The following DAB1 variants were observed in gnomAD, a reference collection of about 807,000 sequenced individuals.
The protein encoded by DAB1 is disabled homolog 1.
DAB1 carries 15 observed loss-of-function variants against 64.6 expected under a neutral mutation model. The ratio of observed to expected loss-of-function variants is 0.23; its 90% confidence interval spans 0.16 to 0.36. DAB1 has a LOEUF of 0.36. Ranked by LOEUF, DAB1 falls within the 10% of genes least tolerant of loss-of-function variation. DAB1 has a pLI of 1.00. For missense variants in DAB1, 596 were observed against 706.7 expected, an observed-to-expected ratio of 0.84 and a Z score of 1.78; for synonymous variants, 235 against 251.9, an observed-to-expected ratio of 0.93 and a Z score of 0.64.
chr1:58,500,991 A>G (rs1645898001), intron 3 of DAB1, among the ~76,000 whole-genome samples: 1 of 152,202 alleles, frequency 6.6e-6, no homozygotes, highest in Non-Finnish European at 1.5e-5. Context: ...TAAAACTGTC[A>G]TACTATTAAA....
rs150266938 is a variant in DAB1 at position 58,003,098 on chromosome 1, T to G, written n.388-118936A>C. 4.3e-3 allele frequency among the ~76,000 whole-genome samples: 649 copies of G among 152,286 alleles called. 4 individuals are homozygous for G. The highest frequency in any genetic ancestry group is 0.015 in the African/African-American group (610 of 41,574). ...GTTCATGGAAAAATCACTTAAGTTC[T>G]TAAGCTTCAAGTGCCTGGTCTATGA... On this transcript the variant is annotated intron_variant and non_coding_transcript_variant, in intron 5 of 20. Coordinates refer to the DAB1 transcript ENST00000485760.
chr1:58,203,885 A>C (rs1051859255), intron 4 of DAB1, among the ~76,000 whole-genome samples: 10 of 152,216 alleles, frequency 6.6e-5, no homozygotes, highest in African/African-American at 2.4e-4. Context: ...CCTAACCCAA[A>C]GCCTGGCATA....
At chr1:58,066,544 C>T (rs1288540647) in intron 5 of DAB1, among the ~76,000 whole-genome samples, 3 of 152,170 alleles carry the variant, frequency 2.0e-5, no homozygotes, top group African/African-American at 7.2e-5. Context: ...TTCTCATAAT[C>T]TCACAACCAT....
intron 7 of DAB1, among the ~76,000 whole-genome samples, chr1:57,563,375 C>G (rs532352946): frequency 6.6e-6 from 1 of 152,126 alleles, no homozygotes; most frequent in South Asian, 2.1e-4. Context: ...ACGCAGAAGA[C>G]GGGTGATTTC....
At chr1:57,912,854 GA>G (rs1415580820) in intron 5 of DAB1, among the ~76,000 whole-genome samples, 3 of 152,178 alleles carry the variant, frequency 2.0e-5, no homozygotes, top group African/African-American at 7.2e-5. Context: ...TTGCTTCAAA[GA>G]GACTAAAATA....
At chr1:57,912,630 C>T (rs867103172) in intron 5 of DAB1, among the ~76,000 whole-genome samples, 10 of 152,150 alleles carry the variant, frequency 6.6e-5, no homozygotes, top group Middle Eastern at 3.4e-3. Flanking sequence ...GGGTATTCAA[C>T]TAGGAAAAGA....
chr1:58,338,121 G>A (rs1663166594), intron 4 of DAB1, among the ~76,000 whole-genome samples: 1 of 152,160 alleles, frequency 6.6e-6, no homozygotes. Context: ...ACACCTTCAG[G>A]ATTTCACACA....
Position 57,417,778 on chromosome 1 carries a change from A to G in DAB1, c.-137+6152T>C, listed in dbSNP as rs147327620. On this transcript the variant is annotated intron_variant, in intron 1 of 14. Transcript: ENST00000371236. Reference sequence around the variant, plus strand: ...GTTTGGAAAATGCTCTATTAAAAAAACCCATTTTGATGCATGTTCTACATT... The same window carrying G: ...GTTTGGAAAATGCTCTATTAAAAAAGCCCATTTTGATGCATGTTCTACATT... 2.5e-3 allele frequency among the ~76,000 whole-genome samples: 378 copies of G among 152,278 alleles called. 2 individuals are homozygous for G. Among genetic ancestry groups the G allele is most frequent in the African/African-American group, 8.8e-3 (364 of 41,560 alleles).
In DAB1 at chr1:57,889,162, T is replaced by C. The variant is rs538153503; in HGVS notation, n.388-5000A>G. ...ATTTGAGGTAAACTAACTTGCAGCA[T>C]AGTGCCTGTCGTAAAGTAGGCACTC... is the stretch of plus-strand genomic sequence containing the variant. On this transcript the variant is annotated intron_variant and non_coding_transcript_variant, in intron 5 of 20. Transcript: ENST00000485760. Among the ~76,000 whole-genome samples, 28 of 152,364 alleles carry C rather than the reference T, an allele frequency of 1.8e-4. No homozygotes were observed. The East Asian group carries it at 1.9e-3, about 10-fold the overall frequency.
At chr1:57,054,731 G>A (rs890190213) in intron 9 of DAB1, among the ~76,000 whole-genome samples, 3 of 152,070 alleles carry the variant, frequency 2.0e-5, no homozygotes, top group African/African-American at 7.2e-5. Context: ...ACCTACCTTG[G>A]CCTCCCAAAG....
At chr1:57,726,643 G>A (rs973926116) in intron 6 of DAB1, among the ~76,000 whole-genome samples, 9 of 152,208 alleles carry the variant, frequency 5.9e-5, no homozygotes, top group African/African-American at 7.2e-5. Flanking sequence ...AACACTTCAT[G>A]TACATGATCC....
At chr1:57,418,081 T>G (rs1684625478) in intron 1 of DAB1, among the ~76,000 whole-genome samples, 1 of 152,186 alleles carries the variant, frequency 6.6e-6, no homozygotes, top group Non-Finnish European at 1.5e-5. Flanking sequence ...GGTCCCTAGA[T>G]GGCAAACTGT....
At position 58,177,959 on chromosome 1, in the gene DAB1, A is replaced by G. The variant is rs138217411; in HGVS notation, n.310-27371T>C. ...TCTCTGAGCCTCTATTTTTTCATCC[A>G]TGAAATGGGTCATAAATATGCCCTC... On this transcript the variant is annotated intron_variant and non_coding_transcript_variant, in intron 4 of 20. Coordinates refer to the DAB1 transcript ENST00000485760. 5.1e-4 allele frequency among the ~76,000 whole-genome samples: 77 copies of G among 152,330 alleles called. 1 individual carries two copies. The highest frequency in any genetic ancestry group is 1.5e-3 in the African/African-American group (64 of 41,586).
At chr1:57,071,082 G>T in intron 6 of DAB1, 21 bp from the exon 7 acceptor site, 1 of 1,609,116 alleles carries the variant, frequency 6.2e-7, no homozygotes, top group Non-Finnish European at 8.5e-7. Context: ...GTAAGGAGAG[G>T]GAGGGTGAAA....
intron 7 of DAB1, among the ~76,000 whole-genome samples, chr1:57,483,153 A>G (rs1291838357): frequency 6.6e-6 from 1 of 152,248 alleles, no homozygotes; most frequent in Non-Finnish European, 1.5e-5. Context: ...TCTTTTTTAT[A>G]TCATTATTTC....
chr1:57,985,186 G>T (rs1415915737), intron 5 of DAB1, among the ~76,000 whole-genome samples: 1 of 152,168 alleles, frequency 6.6e-6, no homozygotes, highest in South Asian at 2.1e-4. Context: ...GGGGTCGCAG[G>T]TGTGAGCCAC....
chr1:57,703,022 A>G (rs1221099380), intron 6 of DAB1, among the ~76,000 whole-genome samples: 1 of 152,104 alleles, frequency 6.6e-6, no homozygotes, highest in African/African-American at 2.4e-5. Context: ...TCCTTACACC[A>G]TATACAAAAA....
intron 3 of DAB1, among the ~76,000 whole-genome samples, chr1:58,478,211 C>G (rs1023439930): frequency 6.6e-6 from 1 of 152,152 alleles, no homozygotes; most frequent in Non-Finnish European, 1.5e-5. Flanking sequence ...CCTGCTCTTA[C>G]TCACTCTCTC....
intron 1 of DAB1, among the ~76,000 whole-genome samples, chr1:57,346,836 T>G (rs1270862703): frequency 6.6e-6 from 1 of 152,214 alleles, no homozygotes; most frequent in Admixed American, 6.5e-5. Context: ...TACTCCATAC[T>G]ATCTGAATTT....
Sources: gnomAD v4.1 joint callset for allele counts (sites outside exome capture counted in the v4.1 genomes callset) on GRCh38, gnomAD v4.1.1 for gene constraint, MANE v1.5 for transcripts, NCBI Gene and HGNC (gene_info 2026-07-23, HGNC 2026-07-21) for gene names.